GAK: variants seen among roughly 807,000 people sequenced by gnomAD.
GAK encodes cyclin G associated kinase.
Under a neutral mutation model 143.9 loss-of-function variants are expected in GAK, and 79 were observed. The observed-to-expected ratio is 0.55, with a 90% CI of 0.46 to 0.66. The LOEUF is 0.66. GAK is among the 30% of genes least tolerant of loss of function. The pLI is 0.00. For missense variants in GAK, 1,693 were observed against 1,779.7 expected (o/e 0.95, Z 0.88); for synonymous variants, 881 against 765.5 (o/e 1.15, Z -2.49).
chr4:876,505 C>G (rs879824928), intron 18 of GAK, 25 bp downstream of exon 18: 1 of 1,608,888 alleles, frequency 6.2e-7, no homozygotes, highest in Admixed American at 1.7e-5. Context: ...TCCCTCCCCA[C>G]CGAGCACAAG....
At chr4:912,056 C>G in intron 3 of GAK, 1 of 486,270 alleles carries the variant, frequency 2.1e-6, no homozygotes, top group Non-Finnish European at 4.0e-6. Flanking sequence ...CAAAGTCCAT[C>G]CCGCGCGTGG....
At chr4:926,845 CAGCT>C (rs1724841740) in intron 1 of GAK, among the ~76,000 whole-genome samples, 1 of 150,648 alleles carries the variant, frequency 6.6e-6, no homozygotes, top group Non-Finnish European at 1.5e-5. Flanking sequence ...GCACCCCTCC[CAGCT>C]CACCTGCGCT....
intron 2 of GAK, among the ~76,000 whole-genome samples, chr4:913,371 C>A (rs996787853): frequency 6.6e-6 from 1 of 152,224 alleles, no homozygotes; most frequent in South Asian, 2.1e-4. Context: ...TCACCCCCAG[C>A]ACAGCCCCTG....
chr4:893,779 G>C, intron 8 of GAK, 95 bp downstream of exon 8: 1 of 1,396,482 alleles, frequency 7.2e-7, no homozygotes, highest in Non-Finnish European at 9.6e-7. Context: ...AGTGGGGCCA[G>C]GTGAGCAGTG....
chr4:865,026 C>T (rs762557723), intron 23 of GAK, 96 bp downstream of exon 23: 44 of 1,483,250 alleles, frequency 3.0e-5, no homozygotes, highest in East Asian at 4.7e-5. Context: ...TCCTTCTCTG[C>T]GCAGAGAGGG....
chr4:902,532 C>G (rs1388884257), intron 5 of GAK, among the ~76,000 whole-genome samples: 1 of 139,540 alleles, frequency 7.2e-6, no homozygotes, highest in Non-Finnish European at 1.5e-5. Flanking sequence ...GCCAAGTCGG[C>G]CGAGGCGGCA....
chr4:865,273 A>C, intron 22 of GAK, 29 bp from the exon 23 acceptor site: 1 of 1,612,116 alleles, frequency 6.2e-7, no homozygotes, highest in Non-Finnish European at 8.5e-7. Flanking sequence ...AAGAGAGCAC[A>C]GTTTGGTGTC....
rs538697758 is a variant in GAK, at chr4:849,411, C to A, written c.*262G>T. 20 of 532,282 alleles carry A rather than the reference C, an allele frequency of 3.8e-5. No homozygotes were observed. In the South Asian group the frequency reaches 4.7e-4, roughly 12 times the overall value. 33.0% of individuals were successfully genotyped at this position (532,282 alleles called of 1,614,324 possible). ...GGCTCCAGAGGCCACGCCCGAAACA[C>A]CAAATAAATCACAGACGTGACAATT... On this transcript the variant is annotated 3_prime_UTR_variant, in exon 28 of 28. Coordinates refer to ENST00000314167, the MANE Select transcript of GAK (RefSeq NM_005255.4).
chr4:876,314 A>G (rs1713856665), intron 18 of GAK, among the ~76,000 whole-genome samples: 2 of 151,964 alleles, frequency 1.3e-5, no homozygotes, highest in South Asian at 4.1e-4. Context: ...TAACAGACAC[A>G]CACACCAACG....
Position 884,060 on chromosome 4 carries a change from G to C in GAK, c.1232C>G (p.Ser411Cys). The change falls in exon 12 of 28, where the codon TCT becomes TGT. Residue 411 changes from serine to cysteine, a missense_variant. Ser to Cys is a moderately radical substitution (Grantham distance 112, BLOSUM62 -1). This residue lies in a region of GAK where 871 missense variants were observed against 991.0 expected (regional missense o/e 0.88). Transcript: ENST00000314167. ...ANYAKGDLDI[S>C]YITSRIAVMS... ...ACCTGCAATTCTGGATGTGATGTAA[G>C]ATATGTCCAGGTCACCCTTTGCATA... is the stretch of plus-strand genomic sequence containing the variant. 1 of 1,613,896 alleles carries C rather than the reference G, an allele frequency of 6.2e-7. No individual in the cohort carries two copies. Among genetic ancestry groups the C allele is most frequent in the Non-Finnish European group, 8.5e-7 (1 of 1,179,880 alleles).
chr4:851,263 A>G (rs571083789), intron 25 of GAK, 179 bp from the exon 26 acceptor site: 42 of 522,016 alleles, frequency 8.0e-5, no homozygotes, highest in African/African-American at 6.7e-4. Context: ...ATGCCTGGCT[A>G]ATTTTTACAT....
chr4:891,267 T>A (rs1577192040), intron 9 of GAK, among the ~76,000 whole-genome samples: 1 of 151,572 alleles, frequency 6.6e-6, no homozygotes, highest in Non-Finnish European at 1.5e-5. Context: ...AGGCTTTTTT[T>A]CTTTTTTTTT....
chr4:914,781 A>T (rs371611616), intron 1 of GAK, among the ~76,000 whole-genome samples: 1 of 121,810 alleles, frequency 8.2e-6, no homozygotes, highest in African/African-American at 3.2e-5. Flanking sequence ...CCCCCAACAC[A>T]CACAGCCCCA....
At chr4:929,054 G>A (rs530920961) in intron 1 of GAK, among the ~76,000 whole-genome samples, 4 of 152,298 alleles carry the variant, frequency 2.6e-5, no homozygotes, top group South Asian at 4.1e-4. Context: ...GAGCCACTGC[G>A]CCCGGCCCAG....
chr4:891,236 C>T (rs190365559), intron 9 of GAK, among the ~76,000 whole-genome samples: 110 of 151,998 alleles, frequency 7.2e-4, no homozygotes, highest in South Asian at 1.5e-3. Flanking sequence ...GCTAGGATTA[C>T]AGGCGTGAGC....
chr4:856,211 T>C (rs955586888), intron 24 of GAK, among the ~76,000 whole-genome samples: 1 of 135,658 alleles, frequency 7.4e-6, no homozygotes, highest in Non-Finnish European at 1.6e-5. Flanking sequence ...TCACACCTGC[T>C]CACCACAGCT....
chr4:900,613 A>G (rs566538755), intron 5 of GAK, among the ~76,000 whole-genome samples: 1 of 152,120 alleles, frequency 6.6e-6, no homozygotes, highest in Non-Finnish European at 1.5e-5. Flanking sequence ...AACCACCCAG[A>G]CAGCAAACAG....
At chr4:885,718 C>T (rs1454398745) in intron 11 of GAK, 1 of 152,004 alleles carries the variant, frequency 6.6e-6, no homozygotes, top group Non-Finnish European at 1.5e-5. Context: ...GACTCCTGGG[C>T]TTGTCCGTGG....
chr4:903,179 C>A (rs927616732), intron 5 of GAK, among the ~76,000 whole-genome samples: 1 of 152,100 alleles, frequency 6.6e-6, no homozygotes, highest in Non-Finnish European at 1.5e-5. Flanking sequence ...GGAGCGCGAG[C>A]CCAGCCCCAG....
Sources: gnomAD v4.1 joint callset for allele counts (sites outside exome capture counted in the v4.1 genomes callset) on GRCh38, gnomAD v4.1.1 for gene constraint, gnomAD v4.1.1 regional missense constraint, MANE v1.5 for transcripts, NCBI Gene and HGNC (gene_info 2026-07-23, HGNC 2026-07-21) for gene names.